SRPRA: variants seen among roughly 807,000 people sequenced by gnomAD.
SRPRA encodes the protein SRP receptor subunit alpha, also known as signal recognition particle receptor subunit alpha.
A neutral mutation model predicts 61.1 loss-of-function variants in SRPRA; 30 were observed. The ratio of observed to expected loss-of-function variants is 0.49; its 90% CI spans 0.37 to 0.67. The LOEUF (loss-of-function observed/expected upper bound fraction) is 0.67, where lower values mean the gene tolerates loss of function less well. SRPRA is among the 30% of genes least tolerant of loss of function. SRPRA has a pLI of 0.00. For synonymous variants in SRPRA, 324 were observed against 299.7 expected (o/e 1.08, Z -0.84); for missense variants, 759 against 828.4 (o/e 0.92, Z 1.03).
At chr11:126,261,485 G>C, downstream of SRPRA, 4 of 1,610,230 alleles carry the variant, frequency 2.5e-6, no homozygotes, top group Non-Finnish European at 3.4e-6. Context: ...GAAATAAGAG[G>C]TATACTGTTT....
chr11:126,247,031 G>A, the SRPRA span, among the ~76,000 whole-genome samples: 24 of 152,298 alleles, frequency 1.6e-4, no homozygotes, highest in African/African-American at 5.3e-4. Flanking sequence ...GGTGGTACAC[G>A]CCTGTGGTCC....
chr11:126,253,928 GTCAC>G, the SRPRA span, among the ~76,000 whole-genome samples: 4 of 152,222 alleles, frequency 2.6e-5, no homozygotes, highest in Non-Finnish European at 4.4e-5. This position sits in a 1 kb window ranked among gnomAD's most constrained non-coding sequence, Gnocchi z 5.1. Context: ...TTAGCCTGGA[GTCAC>G]TCCGAAGAGG....
In SRPRA at chr11:126,268,733, T is replaced by G. The variant is rs777873675; in HGVS notation, c.72A>C (p.Ser24=). The part of the protein sequence containing the change: ...VLWCFQGVSD[S]CTGPVNALIR... Reference sequence around the variant, plus strand: ...TCAACGCGTTAACGGGTCCGGTGCATGAGTCGCTAACGCCCTGGAAGCACC... The same window carrying G: ...TCAACGCGTTAACGGGTCCGGTGCAGGAGTCGCTAACGCCCTGGAAGCACC... The change falls in exon 1 of 14, where the codon TCA becomes TCC. Residue 24 remains serine (S), a synonymous_variant. Transcript: ENST00000332118. 1 of 1,613,798 alleles carries G rather than the reference T, an allele frequency of 6.2e-7. No individual in the cohort carries two copies. Among genetic ancestry groups the G allele is most frequent in the Admixed American group, 1.7e-5 (1 of 60,022 alleles).
chr11:126,236,302 G>T, the SRPRA span, among the ~76,000 whole-genome samples: 89 of 152,228 alleles, frequency 5.8e-4, no homozygotes, highest in African/African-American at 2.1e-3. Flanking sequence ...TATTTGAAAA[G>T]GTCTTTATCA....
At chr11:126,236,061 C>T in the SRPRA span, among the ~76,000 whole-genome samples, 9 of 152,188 alleles carry the variant, frequency 5.9e-5, no homozygotes, top group African/African-American at 2.2e-4. Context: ...ATGGATTCTT[C>T]CTTCTGGATG....
chr11:126,254,898 T>C, the SRPRA span, among the ~76,000 whole-genome samples: 4 of 152,238 alleles, frequency 2.6e-5, no homozygotes, highest in Admixed American at 6.5e-5. Flanking sequence ...GCATGCTGTC[T>C]AGGAAATGTA....
At chr11:126,255,286 T>C in the SRPRA span, among the ~76,000 whole-genome samples, 1 of 152,248 alleles carries the variant, frequency 6.6e-6, no homozygotes, top group Non-Finnish European at 1.5e-5. This position sits in a 1 kb window ranked among gnomAD's most constrained non-coding sequence, Gnocchi z 4.6. Context: ...AGAATCTTGT[T>C]TGCTGTTTTC....
At chr11:126,249,430 G>A in the SRPRA span, among the ~76,000 whole-genome samples, 1 of 151,856 alleles carries the variant, frequency 6.6e-6, no homozygotes, top group Non-Finnish European at 1.5e-5. Flanking sequence ...AAACACCTAG[G>A]ATTAGAAAAG....
chr11:126,267,264 T>C lies in SRPRA; in HGVS notation c.437A>G (p.Lys146Arg). 6.2e-7 allele frequency: 1 copy of C among 1,614,212 alleles called. No homozygotes were observed. The highest frequency in any genetic ancestry group is 8.5e-7 in the Non-Finnish European group (1 of 1,180,042). ...MKKFEDSEKA[K>R]KPVRSMIETR... Reference sequence around the variant, plus strand: ...CTCAATCATGGACCTCACAGGTTTCTTGGCCTTTTCAGAATCTTCAAATTT... The same window carrying C: ...CTCAATCATGGACCTCACAGGTTTCCTGGCCTTTTCAGAATCTTCAAATTT... Residue 146 changes from lysine (K) to arginine (R), a missense_variant, in exon 4 of 14, where the codon AAG becomes AGG. Transcript: ENST00000332118. This position sits in a 1 kb window ranked among gnomAD's most constrained non-coding sequence, Gnocchi z 4.2.
chr11:126,261,307 C>G (rs1950692712), downstream of SRPRA: 2 of 745,448 alleles, frequency 2.7e-6, no homozygotes, highest in Non-Finnish European at 4.5e-6. Context: ...TGTTTCATTT[C>G]TAAATGCCCA....
At chr11:126,260,289 T>C (rs528470086), downstream of SRPRA, 36 of 152,264 alleles carry the variant, frequency 2.4e-4, no homozygotes, top group Admixed American at 2.0e-3. Context: ...CACCTCAGCT[T>C]CCCAAAGTTC....
rs1193982388 is a variant in SRPRA at position 126,266,908 on chromosome 11, A to G, written c.541T>C (p.Leu181=). ...GAKKEGSDGP[L]ATSKPVPAEK... ...GCAGGGACTGGTTTGCTGGTAGCCA[A>G]AGGACCATCAGAACCTGTTGGGGAA... Residue 181 remains leucine, a synonymous_variant, in exon 5 of 14, where the codon TTG becomes CTG. Transcript: ENST00000332118. 6.2e-7 allele frequency: 1 copy of G among 1,613,928 alleles called. No homozygotes were observed. Among genetic ancestry groups the G allele is most frequent in the African/African-American group, 1.3e-5 (1 of 74,920 alleles).
chr11:126,264,714 C>G lies in SRPRA; in HGVS notation c.1526-175G>C. 1.2e-6 allele frequency: 1 copy of G among 842,174 alleles called. No homozygotes were observed. Among genetic ancestry groups the G allele is most frequent in the Non-Finnish European group, 1.8e-6 (1 of 557,820 alleles). The allele number at this position is 842,174 out of a possible 1,614,324, so 52.2% of individuals were successfully genotyped here. A position where few individuals can be genotyped will look rare whatever the true frequency, so the allele number is the denominator to read the frequency against. On this transcript the variant is annotated intron_variant, in intron 11 of 13. Coordinates refer to ENST00000332118, the MANE Select transcript of SRPRA (RefSeq NM_003139.4). The surrounding 1 kb of genome is among the most constrained non-coding windows in gnomAD (Gnocchi z 5.0). Reference sequence around the variant, plus strand: ...ATGCTTGGCCATCACCAAACATATTCAGGAAAAGGAGGACAACAGGATGAA... The same window carrying G: ...ATGCTTGGCCATCACCAAACATATTGAGGAAAAGGAGGACAACAGGATGAA...
chr11:126,257,604 C>CT, the SRPRA span, among the ~76,000 whole-genome samples: 5 of 105,896 alleles, frequency 4.7e-5, no homozygotes, highest in South Asian at 1.4e-3. Context: ...TAGAATTGTA[C>CT]ATTTTTTTTT....
chr11:126,267,801 G>C lies in SRPRA; in HGVS notation c.202-89C>G. On this transcript the variant is annotated intron_variant, in intron 2 of 13. Coordinates refer to ENST00000332118, the MANE Select transcript of SRPRA (RefSeq NM_003139.4). This position sits in a 1 kb window ranked among gnomAD's most constrained non-coding sequence, Gnocchi z 4.2. ...AACTCAACCCTGGCTTTCAGAGATA[G>C]GTTCAGCTACCTGGCCGGTTTCCCT... 1 of 1,559,252 alleles carries C rather than the reference G, an allele frequency of 6.4e-7. No individual in the cohort carries two copies. Among genetic ancestry groups the C allele is most frequent in the Non-Finnish European group, 8.8e-7 (1 of 1,142,662 alleles).
chr11:126,255,026 A>G, the SRPRA span, among the ~76,000 whole-genome samples: 1 of 152,264 alleles, frequency 6.6e-6, no homozygotes, highest in African/African-American at 2.4e-5. The surrounding 1 kb of genome is among the most constrained non-coding windows in gnomAD (Gnocchi z 4.6). Context: ...AGTACCCTTT[A>G]TCATCATTTG....
At chr11:126,261,308 TA>T, downstream of SRPRA, 1 of 750,790 alleles carries the variant, frequency 1.3e-6, no homozygotes, top group Non-Finnish European at 2.2e-6. Context: ...GTTTCATTTC[TA>T]AATGCCCATT....
chr11:126,254,396 C>T, the SRPRA span: 2 of 1,614,226 alleles, frequency 1.2e-6, no homozygotes, highest in African/African-American at 2.7e-5. Context: ...CTTCATCCGG[C>T]TGGATATCAG....
At chr11:126,256,506 G>A in the SRPRA span, 4 of 1,528,066 alleles carry the variant, frequency 2.6e-6, no homozygotes, top group Non-Finnish European at 3.6e-6. This position sits in a 1 kb window ranked among gnomAD's most constrained non-coding sequence, Gnocchi z 6.6. Context: ...TGACCTTCTT[G>A]TTTCAGACTT....
Sources: allele counts gnomAD v4.1 joint callset (sites outside exome capture counted in the v4.1 genomes callset), GRCh38; gene constraint gnomAD v4.1.1; non-coding constraint Gnocchi (gnomAD v3.1); transcripts MANE v1.5; gene names NCBI Gene and HGNC (gene_info 2026-07-23, HGNC 2026-07-21).